RIMS2: variants seen among roughly 807,000 people sequenced by gnomAD.
RIMS2 encodes regulating synaptic membrane exocytosis protein 2.
Under a neutral mutation model 174.4 loss-of-function variants are expected in RIMS2, and 59 were observed. The ratio of observed to expected loss-of-function variants is 0.34; its 90% CI spans 0.27 to 0.42. The LOEUF (loss-of-function observed/expected upper bound fraction) is 0.42. Ranked by LOEUF, RIMS2 falls within the 10% of genes least tolerant of loss-of-function variation. The pLI is 1.00. For synonymous variants in RIMS2, 606 were observed against 572.5 expected, an observed-to-expected ratio of 1.06 and a Z score of -0.84; for missense variants, 1,620 against 1,666.3, an observed-to-expected ratio of 0.97 and a Z score of 0.48.
intron 19 of RIMS2, among the ~76,000 whole-genome samples, chr8:104,027,292 A>G (rs904527394): frequency 1.4e-4 from 21 of 152,314 alleles, no homozygotes; most frequent in African/African-American, 5.0e-4. Context: ...TAAGTGAAAT[A>G]CTTGTAAATG....
chr8:103,956,458 C>T (rs2087255969), intron 14 of RIMS2, among the ~76,000 whole-genome samples: 2 of 152,108 alleles, frequency 1.3e-5, no homozygotes, highest in African/African-American at 2.4e-5. Flanking sequence ...ACATCTACAA[C>T]CATCTGATCT....
intron 19 of RIMS2, among the ~76,000 whole-genome samples, chr8:104,041,791 A>C (rs2096613318): frequency 2.0e-5 from 3 of 151,706 alleles, no homozygotes; most frequent in African/African-American, 7.2e-5. Flanking sequence ...AATACCAAAG[A>C]CCTAATACCC....
At chr8:103,973,073 A>G (rs2093058372) in intron 15 of RIMS2, among the ~76,000 whole-genome samples, 1 of 152,230 alleles carries the variant, frequency 6.6e-6, no homozygotes, top group African/African-American at 2.4e-5. Flanking sequence ...TGTAAGAACA[A>G]TTAATCTTCT....
intron 19 of RIMS2, among the ~76,000 whole-genome samples, chr8:104,110,307 T>A (rs2098157448): frequency 6.6e-6 from 1 of 152,092 alleles, no homozygotes; most frequent in Non-Finnish European, 1.5e-5. Flanking sequence ...TTTGAAGACA[T>A]AAACTGTGAC....
intron 19 of RIMS2, among the ~76,000 whole-genome samples, chr8:104,238,010 A>G (rs2099267381): frequency 6.6e-6 from 1 of 151,914 alleles, no homozygotes; most frequent in Admixed American, 6.6e-5. Context: ...AAATCTGCCG[A>G]TGGGCACTAT....
intron 19 of RIMS2, among the ~76,000 whole-genome samples, chr8:104,069,314 G>A (rs10099597): frequency 0.25 from 38,333 of 151,966 alleles, 5,195 homozygotes; most frequent in South Asian, 0.36. Context: ...ACATAAGCCC[G>A]TCATGAAGCA....
At chr8:103,862,233 G>A (rs984309132) in intron 3 of RIMS2, among the ~76,000 whole-genome samples, 3 of 151,892 alleles carry the variant, frequency 2.0e-5, no homozygotes, top group Non-Finnish European at 2.9e-5. Flanking sequence ...TTAATATAGT[G>A]TCCTTTACCC....
chr8:104,121,822 C>T (rs1488415431), intron 19 of RIMS2, among the ~76,000 whole-genome samples: 3 of 152,048 alleles, frequency 2.0e-5, no homozygotes, highest in Non-Finnish European at 4.4e-5. Flanking sequence ...ATTAGCCAGG[C>T]GTGGTGACAC....
intron 19 of RIMS2, among the ~76,000 whole-genome samples, chr8:104,116,704 A>G (rs373742276): frequency 1.6e-4 from 24 of 152,140 alleles, no homozygotes; most frequent in Admixed American, 1.1e-3. Context: ...TTGTTTTTAA[A>G]CCTGATAAAA....
intron 1 of RIMS2, among the ~76,000 whole-genome samples, chr8:103,571,712 A>C (rs2092821500): frequency 1.3e-5 from 2 of 152,206 alleles, no homozygotes; most frequent in South Asian, 2.1e-4. Context: ...AAGGAAAGAA[A>C]AAAGAAATGT....
chr8:104,074,774 A>G (rs923388079), intron 19 of RIMS2, among the ~76,000 whole-genome samples: 17 of 152,194 alleles, frequency 1.1e-4, no homozygotes, highest in African/African-American at 3.9e-4. Context: ...TTATGCTATC[A>G]TGGTTGACAT....
intron 1 of RIMS2, among the ~76,000 whole-genome samples, chr8:103,625,276 A>T (rs1372408701): frequency 2.0e-5 from 3 of 152,272 alleles, no homozygotes; most frequent in Admixed American, 2.0e-4. Flanking sequence ...TATATCAGGC[A>T]CAAAGTTGAG....
At chr8:104,013,698 G>T (rs979315348) in intron 18 of RIMS2, 77 bp downstream of exon 20, 2 of 1,193,840 alleles carry the variant, frequency 1.7e-6, no homozygotes, top group Non-Finnish European at 2.5e-6. Context: ...CAGTTAACTG[G>T]TCTCTTCTAT....
At position 104,125,373 on chromosome 8, in the gene RIMS2, C is replaced by G. The variant is rs111631279; in HGVS notation, c.3334+110758C>G. 4.7e-3 allele frequency among the ~76,000 whole-genome samples: 708 copies of G among 152,232 alleles called. 7 individuals carry two copies. The highest frequency in any genetic ancestry group is 0.015 in the African/African-American group (638 of 41,546). On this transcript the variant is annotated intron_variant, in intron 19 of 23. Coordinates refer to ENST00000504942, the Ensembl canonical transcript of RIMS2. ...ACATCCTCCTCAAGTTTTATGATTT[C>G]TCAGTTTTCTCTTCTTTAATCTGGA...
chr8:103,642,978 T>C (rs961522740), intron 1 of RIMS2, among the ~76,000 whole-genome samples: 76 of 151,966 alleles, frequency 5.0e-4, no homozygotes, highest in African/African-American at 1.8e-3. Context: ...AAATTTTCAG[T>C]TGTTATTACT....
At chr8:103,968,156 G>A (rs2092368722) in intron 15 of RIMS2, among the ~76,000 whole-genome samples, 1 of 152,050 alleles carries the variant, frequency 6.6e-6, no homozygotes, top group South Asian at 2.1e-4. Context: ...GAGCCATCAT[G>A]CCTGGCCTAC....
intron 4 of RIMS2, among the ~76,000 whole-genome samples, chr8:103,893,258 G>C (rs1403203071): frequency 6.6e-6 from 1 of 152,040 alleles, no homozygotes; most frequent in Admixed American, 6.6e-5. Context: ...GGGTACAGGA[G>C]TAAAATCTTG....
At position 103,787,270 on chromosome 8, in the gene RIMS2, C is replaced by T. The variant is rs1341029901; in HGVS notation, c.698+20733C>T. Among the ~76,000 whole-genome samples the T allele has an allele frequency of 2.6e-5, 4 of 151,498 alleles. No individual in the cohort carries two copies. In the East Asian group the frequency reaches 7.8e-4, roughly 29 times the overall value. On this transcript the variant is annotated intron_variant, in intron 3 of 23. Coordinates refer to ENST00000504942, the Ensembl canonical transcript of RIMS2. Reference sequence around the variant, plus strand: ...TTAATTGGAGCATTTAGTCCATTTACATTTAAAGTTAATATTGTTATGTGT... The same window carrying T: ...TTAATTGGAGCATTTAGTCCATTTATATTTAAAGTTAATATTGTTATGTGT...
chr8:103,693,862 C>G (rs2097063120), intron 1 of RIMS2, among the ~76,000 whole-genome samples: 3 of 152,162 alleles, frequency 2.0e-5, no homozygotes, highest in African/African-American at 4.8e-5. Context: ...TCCACAGAGG[C>G]TGACCTGGCA....
Sources: gnomAD v4.1 joint callset for allele counts (sites outside exome capture counted in the v4.1 genomes callset) on GRCh38, gnomAD v4.1.1 for gene constraint, MANE v1.5 for transcripts, NCBI Gene and HGNC (gene_info 2026-07-23, HGNC 2026-07-21) for gene names.